TG: variants seen among roughly 807,000 people sequenced by gnomAD.
The protein encoded by TG is thyroid hormones.
Under a neutral mutation model 324.7 loss-of-function variants are expected in TG, and 270 were observed. The observed-to-expected ratio is 0.83, with a 90% CI of 0.75 to 0.92. The LOEUF (loss-of-function observed/expected upper bound fraction) is 0.92, where lower values mean the gene tolerates loss of function less well. Among genes scored for constraint, TG ranks in the 40% least tolerant of loss-of-function variants. The pLI is 0.00. For synonymous variants in TG, 1,401 were observed against 1,327.0 expected, an observed-to-expected ratio of 1.06 and a Z score of -1.21; for missense variants, 3,591 against 3,456.4, an observed-to-expected ratio of 1.04 and a Z score of -0.98.
At chr8:132,906,616 C>T (rs1008273344) in intron 16 of TG, 72 bp from the exon 17 acceptor site, 1 of 1,554,530 alleles carries the variant, frequency 6.4e-7, no homozygotes, top group Non-Finnish European at 8.8e-7. Context: ...AAGGAGACAC[C>T]CACAAGCAGG....
chr8:133,100,766 A>T (rs538817113), intron 43 of TG, among the ~76,000 whole-genome samples: 13 of 152,306 alleles, frequency 8.5e-5, no homozygotes, highest in Admixed American at 5.9e-4. Context: ...GCTAGAATAA[A>T]GGCTACTATG....
At chr8:133,053,356 C>A (rs568448654) in intron 41 of TG, among the ~76,000 whole-genome samples, 150 of 152,332 alleles carry the variant, frequency 9.8e-4, no homozygotes, top group African/African-American at 3.5e-3. Flanking sequence ...TGTCTGTAGC[C>A]TGTGCCACAC....
chr8:132,913,594 A>G (rs1183182659), intron 20 of TG, among the ~76,000 whole-genome samples: 1 of 152,152 alleles, frequency 6.6e-6, no homozygotes, highest in East Asian at 1.9e-4. Flanking sequence ...TGGCTGTGGC[A>G]ATGTTACTCA....
chr8:132,875,477 G>A (rs1489383950), intron 5 of TG, among the ~76,000 whole-genome samples: 1 of 152,216 alleles, frequency 6.6e-6, no homozygotes, highest in Non-Finnish European at 1.5e-5. Flanking sequence ...TGCTAGAACT[G>A]TCTGGCTCCT....
In TG at chr8:132,994,698, T is replaced by C. The variant is rs1425705872; in HGVS notation, c.6262+11286T>C. On this transcript the variant is annotated intron_variant, in intron 35 of 47. Coordinates refer to ENST00000220616, the MANE Select transcript of TG (RefSeq NM_003235.5). The stretch of plus-strand genomic sequence containing the variant: ...CTCAGTTTGACTTATTACAGAAGCA[T>C]CTACCTCTTCTCCCCAGTGTTTAAA... The C allele has an allele frequency of 2.8e-5, 36 of 1,288,500 alleles. No homozygotes were observed. In the Admixed American group the frequency reaches 8.0e-4, roughly 29 times the overall value. The allele number at this position is 1,288,500 out of a possible 1,614,324, so 79.8% of individuals were successfully genotyped here.
chr8:132,873,239 G>A lies in TG; in HGVS notation c.638+18G>A. The A allele has an allele frequency of 1.2e-6, 2 of 1,613,836 alleles. No homozygotes were observed. Among genetic ancestry groups the A allele is most frequent in the Non-Finnish European group, 1.7e-6 (2 of 1,179,886 alleles). ...TACAACAGGTAAGGGGAGCAGGGGT[G>A]TGCCAGTCACTGGGCCATCACCTGA... On this transcript the variant is annotated intron_variant, in intron 5 of 47. Transcript: ENST00000220616.
At chr8:133,113,015 A>G (rs1364975070) in intron 43 of TG, among the ~76,000 whole-genome samples, 2 of 152,218 alleles carry the variant, frequency 1.3e-5, no homozygotes, top group East Asian at 3.9e-4. Context: ...CTCTCCTAAC[A>G]TGACCAGACC....
At chr8:132,987,144 G>T (rs1042692434) in intron 35 of TG, among the ~76,000 whole-genome samples, 1 of 152,174 alleles carries the variant, frequency 6.6e-6, no homozygotes, top group African/African-American at 2.4e-5. Context: ...TTCCAAGGTG[G>T]AATGAGATGT....
At chr8:132,934,333 C>G (rs1354873340) in intron 24 of TG, among the ~76,000 whole-genome samples, 1 of 151,612 alleles carries the variant, frequency 6.6e-6, no homozygotes, top group Non-Finnish European at 1.5e-5. Context: ...AAGACTCCAT[C>G]AAAAAAACAA....
chr8:133,094,802 C>T (rs1848162307), intron 41 of TG: 4 of 590,594 alleles, frequency 6.8e-6, no homozygotes, highest in African/African-American at 1.8e-5. Context: ...TTCCCTTGTG[C>T]AGCACCCTCA....
At chr8:133,054,400 G>A (rs888433172) in intron 41 of TG, among the ~76,000 whole-genome samples, 3 of 152,236 alleles carry the variant, frequency 2.0e-5, no homozygotes, top group East Asian at 1.9e-4. Flanking sequence ...TCCCACCTCC[G>A]CCACTACACA....
chr8:132,994,401 G>A (rs1293502222), intron 35 of TG, among the ~76,000 whole-genome samples: 2 of 152,132 alleles, frequency 1.3e-5, no homozygotes, highest in African/African-American at 2.4e-5. Flanking sequence ...TGCCAAACAC[G>A]CGGGGGAAAT....
intron 18 of TG, 77 bp downstream of exon 18, chr8:132,908,417 C>A: frequency 8.7e-7 from 1 of 1,144,728 alleles, no homozygotes; most frequent in Admixed American, 2.7e-5. Context: ...TGAGGGCTCA[C>A]ATTAACACAG....
chr8:133,100,101 G>C (rs1849015810), intron 43 of TG, among the ~76,000 whole-genome samples: 1 of 152,192 alleles, frequency 6.6e-6, no homozygotes, highest in Non-Finnish European at 1.5e-5. Context: ...AACTCCTGCT[G>C]TTCCCTCTTG....
Position 132,966,676 on chromosome 8 carries a change from G to A in TG, c.5665G>A (p.Ala1889Thr), listed in dbSNP as rs1175830675. The change falls in exon 30 of 48, where the codon GCA becomes ACA. Residue 1889 changes from alanine (A) to threonine (T), a missense_variant. Physicochemically the swap from Ala to Thr is moderately conservative, Grantham distance 58. Transcript: ENST00000220616. ...LFKHLFSAQQANLWCLSRCVQ... is the reference protein window; with the variant it reads ...LFKHLFSAQQTNLWCLSRCVQ... ...CAAGCACCTGTTTTCAGCCCAGCAGGCAAACCTATGGTGCCTTTCTCGTAA... is the reference window on the plus strand; with the variant it reads ...CAAGCACCTGTTTTCAGCCCAGCAGACAAACCTATGGTGCCTTTCTCGTAA... 1.2e-6 allele frequency: 2 copies of A among 1,614,058 alleles called. No individual in the cohort carries two copies. Among genetic ancestry groups the A allele is most frequent in the Non-Finnish European group, 1.7e-6 (2 of 1,179,982 alleles).
At position 132,962,994 on chromosome 8, in the gene TG, A is replaced by C; in HGVS notation, c.5468A>C (p.Asp1823Ala). ...CAACAACTCTTTTTTTTCCTCCTAG[A>C]TTCTGACATGGGGTCTCGGCCTGAG... ...TNFQQVYLWK[D>A]SDMGSRPESM... Residue 1823 changes from aspartate (D) to alanine (A), a missense_variant and splice_region_variant, in exon 29 of 48, where the codon GAT (aspartate) becomes GCT (alanine). Coordinates refer to ENST00000220616, the MANE Select transcript of TG (RefSeq NM_003235.5). 1 of 1,613,854 alleles carries C rather than the reference A, an allele frequency of 6.2e-7. No homozygotes were observed. Among genetic ancestry groups the C allele is most frequent in the Non-Finnish European group, 8.5e-7 (1 of 1,179,838 alleles).
intron 16 of TG, among the ~76,000 whole-genome samples, chr8:132,903,461 C>A (rs1391468347): frequency 1.3e-5 from 2 of 152,336 alleles, no homozygotes; most frequent in East Asian, 3.9e-4. Flanking sequence ...CTTCCGATTC[C>A]ACAGCAGGGC....
chr8:133,112,995 C>A (rs1199268881), intron 43 of TG, among the ~76,000 whole-genome samples: 1 of 152,130 alleles, frequency 6.6e-6, no homozygotes, highest in Non-Finnish European at 1.5e-5. Context: ...ATGAATGAAA[C>A]TGAATTTAGC....
intron 41 of TG, chr8:133,059,948 G>T: frequency 1.3e-6 from 1 of 762,988 alleles, no homozygotes; most frequent in Non-Finnish European, 2.0e-6. Context: ...TGAAGTATTT[G>T]AACCACAAAC....
Sources: gnomAD v4.1 joint callset for allele counts (sites outside exome capture counted in the v4.1 genomes callset) on GRCh38, gnomAD v4.1.1 for gene constraint, MANE v1.5 for transcripts, NCBI Gene and HGNC (gene_info 2026-07-23, HGNC 2026-07-21) for gene names.